GRID2: variants seen among roughly 807,000 people sequenced by gnomAD.
The protein encoded by GRID2 is glutamate ionotropic receptor delta type subunit 2.
Under a neutral mutation model 114.8 loss-of-function variants are expected in GRID2, and 33 were observed. The ratio of observed to expected loss-of-function variants is 0.29; its 90% CI spans 0.22 to 0.38. GRID2 has a LOEUF of 0.38. Ranked by LOEUF, GRID2 falls within the 10% of genes least tolerant of loss-of-function variation. GRID2 has a pLI of 1.00. For synonymous variants in GRID2, 505 were observed against 449.9 expected, an observed-to-expected ratio of 1.12 and a Z score of -1.55; for missense variants, 1,184 against 1,257.7, an observed-to-expected ratio of 0.94 and a Z score of 0.89.
At chr4:92,977,380 G>C (rs1448017173) in intron 2 of GRID2, among the ~76,000 whole-genome samples, 1 of 152,114 alleles carries the variant, frequency 6.6e-6, no homozygotes, top group African/African-American at 2.4e-5. Flanking sequence ...AGGGTTCAAG[G>C]TTAAGAAAGA....
At chr4:93,187,650 A>C (rs1740562635) in intron 4 of GRID2, among the ~76,000 whole-genome samples, 1 of 152,190 alleles carries the variant, frequency 6.6e-6, no homozygotes, top group Non-Finnish European at 1.5e-5. Context: ...TATCATCTAA[A>C]TCAGATATGG....
intron 1 of GRID2, among the ~76,000 whole-genome samples, chr4:92,416,028 T>G (rs1731595816): frequency 2.0e-5 from 3 of 151,946 alleles, no homozygotes; most frequent in Non-Finnish European, 2.9e-5. Flanking sequence ...ACCAGCAGTT[T>G]AAAAGTGTTC....
At chr4:93,413,562 A>C (rs1301648949) in intron 9 of GRID2, among the ~76,000 whole-genome samples, 1 of 152,160 alleles carries the variant, frequency 6.6e-6, no homozygotes, top group Non-Finnish European at 1.5e-5. Flanking sequence ...AAATGTTAAC[A>C]TTCATTTTTA....
chr4:92,607,835 T>C (rs771579464), intron 2 of GRID2, among the ~76,000 whole-genome samples: 14 of 152,012 alleles, frequency 9.2e-5, no homozygotes, highest in Middle Eastern at 3.4e-3. Context: ...GCACTCTACC[T>C]CTTCCAAAGC....
intron 1 of GRID2, among the ~76,000 whole-genome samples, chr4:92,411,655 G>GTGTGTGTGTGTGTGTGTATATATATATA: frequency 3.5e-5 from 3 of 84,692 alleles, no homozygotes; most frequent in African/African-American, 1.8e-4. Flanking sequence ...GTGTGTGTGT[G>GTGTGTGTGTGTGTGTGTATATATATATA]TATATATATA....
intron 2 of GRID2, among the ~76,000 whole-genome samples, chr4:93,034,485 C>A (rs770037644): frequency 1.3e-5 from 2 of 152,184 alleles, no homozygotes; most frequent in Non-Finnish European, 2.9e-5. Flanking sequence ...ATATTTCACT[C>A]TGCCTGGGAA....
intron 1 of GRID2, among the ~76,000 whole-genome samples, chr4:92,581,819 T>G (rs1728198310): frequency 6.6e-6 from 1 of 152,120 alleles, no homozygotes; most frequent in African/African-American, 2.4e-5. Context: ...ACTAGCTAAA[T>G]GTAAATTACA....
At chr4:93,201,804 A>G (rs1185747169) in intron 4 of GRID2, among the ~76,000 whole-genome samples, 2 of 152,220 alleles carry the variant, frequency 1.3e-5, no homozygotes, top group Non-Finnish European at 2.9e-5. Flanking sequence ...AGAATGAATG[A>G]TGGAAGACAC....
At chr4:92,715,896 T>C (rs187520553) in intron 2 of GRID2, among the ~76,000 whole-genome samples, 4 of 152,320 alleles carry the variant, frequency 2.6e-5, no homozygotes, top group African/African-American at 9.6e-5. Context: ...CAATTGACTT[T>C]TACTGATATG....
intron 2 of GRID2, among the ~76,000 whole-genome samples, chr4:93,059,438 A>C (rs545491106): frequency 6.6e-6 from 1 of 152,058 alleles, no homozygotes; most frequent in Non-Finnish European, 1.5e-5. Context: ...CAATTCCATC[A>C]TGCTCACTAG....
rs184606568 is a variant in GRID2, at chr4:92,569,284, C to T, written c.89-20847C>T. ...AATGGCCTCCAGCTCCATCCATGTC[C>T]ATGCAAATAACATGATCTCATTCAT... On this transcript the variant is annotated intron_variant, in intron 1 of 15. Coordinates refer to ENST00000282020, the MANE Select transcript of GRID2 (RefSeq NM_001510.4). Among the ~76,000 whole-genome samples the T allele has an allele frequency of 3.0e-3, 462 of 152,204 alleles. 1 individual carries two copies. Among genetic ancestry groups the T allele is most frequent in the African/African-American group, 0.011 (444 of 41,550 alleles).
chr4:93,804,800 C>A (rs186121129), intron 1 of GRID2, among the ~76,000 whole-genome samples: 21 of 152,300 alleles, frequency 1.4e-4, no homozygotes, highest in Admixed American at 7.2e-4. Context: ...CCCATAAAAC[C>A]AGTCCTACCT....
chr4:93,784,584 GA>G (rs949015053), intron 1 of GRID2, among the ~76,000 whole-genome samples: 25 of 147,172 alleles, frequency 1.7e-4, no homozygotes, highest in Admixed American at 2.7e-4. Context: ...ACAGAAGATG[GA>G]AAAAAAAAAT....
At chr4:92,473,801 T>C (rs781722077) in intron 1 of GRID2, among the ~76,000 whole-genome samples, 37 of 152,056 alleles carry the variant, frequency 2.4e-4, no homozygotes, top group Non-Finnish European at 4.7e-4. Flanking sequence ...CTTTTTTTGA[T>C]GATGAAATTG....
At chr4:92,425,719 T>C (rs1278466038) in intron 1 of GRID2, among the ~76,000 whole-genome samples, 1 of 152,110 alleles carries the variant, frequency 6.6e-6, no homozygotes, top group Non-Finnish European at 1.5e-5. Flanking sequence ...GATTGCCTAG[T>C]TTAAATTCTG....
chr4:92,412,682 C>T (rs973485017), intron 1 of GRID2, among the ~76,000 whole-genome samples: 1 of 152,104 alleles, frequency 6.6e-6, no homozygotes, highest in African/African-American at 2.4e-5. Context: ...ACTATTCATC[C>T]CTGCCATACT....
At chr4:92,878,526 T>C (rs2149454268) in intron 2 of GRID2, among the ~76,000 whole-genome samples, 1 of 152,236 alleles carries the variant, frequency 6.6e-6, no homozygotes, top group East Asian at 1.9e-4. Context: ...TTTAAAAGTC[T>C]CTATTATTAA....
At chr4:93,469,337 A>G (rs1724582440) in intron 11 of GRID2, among the ~76,000 whole-genome samples, 1 of 152,096 alleles carries the variant, frequency 6.6e-6, no homozygotes, top group Non-Finnish European at 1.5e-5. Flanking sequence ...ATGGTAAAAA[A>G]TTCTTTGCTA....
At chr4:92,748,953 C>T (rs1737293745) in intron 2 of GRID2, among the ~76,000 whole-genome samples, 1 of 151,772 alleles carries the variant, frequency 6.6e-6, no homozygotes, top group African/African-American at 2.4e-5. Flanking sequence ...GAACCACCAG[C>T]CACCTCACCC....
Sources: gnomAD v4.1 joint callset for allele counts (sites outside exome capture counted in the v4.1 genomes callset) on GRCh38, gnomAD v4.1.1 for gene constraint, MANE v1.5 for transcripts, NCBI Gene and HGNC (gene_info 2026-07-23, HGNC 2026-07-21) for gene names.